SMIM3: variants seen among roughly 807,000 people sequenced by gnomAD.
The protein encoded by SMIM3 is small integral membrane protein 3.
Under a neutral mutation model 2.1 loss-of-function variants are expected in SMIM3, and 4 were observed. The observed-to-expected ratio is 1.89, with a 90% CI of 0.93 to 4.31. SMIM3 has a LOEUF of 4.31. Among genes scored for constraint, SMIM3 ranks in the 30% most tolerant of loss-of-function variants. SMIM3 has a pLI of 0.01. For missense variants in SMIM3, 79 were observed against 77.7 expected (o/e 1.02, Z -0.06); for synonymous variants, 29 against 30.8 (o/e 0.94, Z 0.19).
At chr5:150,782,587 C>T (rs879702903) in intron 1 of SMIM3, among the ~76,000 whole-genome samples, 4 of 152,154 alleles carry the variant, frequency 2.6e-5, no homozygotes, top group Non-Finnish European at 5.9e-5. Flanking sequence ...TTCTCTTCTG[C>T]CTGGTATGTA....
At chr5:150,792,866 A>G (rs1476155221) in intron 1 of SMIM3, among the ~76,000 whole-genome samples, 1 of 152,246 alleles carries the variant, frequency 6.6e-6, no homozygotes, top group African/African-American at 2.4e-5. Context: ...TGGTGGTTGC[A>G]TGGTATGGCA....
rs1289277983 is a variant in SMIM3, at chr5:150,778,785, C to T, written c.-199C>T. 3 of 461,606 alleles carry T rather than the reference C, an allele frequency of 6.5e-6. No homozygotes were observed. Among genetic ancestry groups the T allele is most frequent in the Admixed American group, 2.4e-5 (1 of 41,392 alleles). 28.6% of individuals were successfully genotyped at this position (461,606 alleles called of 1,614,324 possible). A position where few individuals can be genotyped will look rare whatever the true frequency, so the allele number is the denominator to read the frequency against. ...TTCCAGAGCCAGCAGCGCGTCCTGG[C>T]CGCTCCTGCGCTCTCCCGCCTCCCG... On this transcript the variant is annotated 5_prime_UTR_variant, in exon 1 of 2. Coordinates refer to ENST00000526627, the MANE Select transcript of SMIM3 (RefSeq NM_032947.5).
intron 1 of SMIM3, among the ~76,000 whole-genome samples, chr5:150,794,104 T>C (rs1753377248): frequency 1.3e-5 from 2 of 152,018 alleles, no homozygotes; most frequent in South Asian, 4.2e-4. Flanking sequence ...GAAATGCAAA[T>C]CAAAACCACA....
chr5:150,786,912 C>T (rs1753299496), intron 1 of SMIM3, among the ~76,000 whole-genome samples: 1 of 152,190 alleles, frequency 6.6e-6, no homozygotes, highest in African/African-American at 2.4e-5. Context: ...TGTATATTTG[C>T]TTCTACCAAG....
At chr5:150,788,343 T>G (rs1201317322) in intron 1 of SMIM3, among the ~76,000 whole-genome samples, 1 of 151,714 alleles carries the variant, frequency 6.6e-6, no homozygotes, top group Non-Finnish European at 1.5e-5. Context: ...AGGGGATGAA[T>G]TTTTACCTTT....
chr5:150,780,440 C>A (rs1753220066), intron 1 of SMIM3, among the ~76,000 whole-genome samples: 1 of 152,166 alleles, frequency 6.6e-6, no homozygotes, highest in Non-Finnish European at 1.5e-5. Context: ...CCTCCTGTTC[C>A]CAGCTGTCCT....
chr5:150,786,642 C>G (rs1248157146), intron 1 of SMIM3, among the ~76,000 whole-genome samples: 1 of 152,120 alleles, frequency 6.6e-6, no homozygotes, highest in Non-Finnish European at 1.5e-5. Flanking sequence ...TTCAAATTCT[C>G]TGTCAAAATT....
intron 1 of SMIM3, among the ~76,000 whole-genome samples, chr5:150,792,287 C>T (rs1271081138): frequency 6.6e-6 from 1 of 152,210 alleles, no homozygotes; most frequent in Non-Finnish European, 1.5e-5. Flanking sequence ...ATAGTTCCAG[C>T]CTTGTGCCCT....
chr5:150,789,440 C>T (rs895564058), intron 1 of SMIM3, among the ~76,000 whole-genome samples: 1 of 152,130 alleles, frequency 6.6e-6, no homozygotes, highest in African/African-American at 2.4e-5. Flanking sequence ...GCAAAGGACA[C>T]GTTTGAGTTT....
chr5:150,780,194 C>T (rs988038755), intron 1 of SMIM3, among the ~76,000 whole-genome samples: 3 of 152,080 alleles, frequency 2.0e-5, no homozygotes, highest in African/African-American at 7.2e-5. Flanking sequence ...CTCTGAATTA[C>T]CCTAATGGAG....
chr5:150,782,145 T>A (rs140427365), intron 1 of SMIM3, among the ~76,000 whole-genome samples: 1 of 152,152 alleles, frequency 6.6e-6, no homozygotes, highest in Non-Finnish European at 1.5e-5. Context: ...CTTTGGGTCA[T>A]TGGAGAAAAG....
Position 150,796,580 on chromosome 5 carries a change from T to G in SMIM3, c.*957T>G, listed in dbSNP as rs1239470403. 6.6e-6 allele frequency: 1 copy of G among 152,368 alleles called. No individual in the cohort carries two copies. Among genetic ancestry groups the G allele is most frequent in the Non-Finnish European group, 1.5e-5 (1 of 68,044 alleles). The allele number at this position is 152,368 out of a possible 1,614,324, so 9.4% of individuals were successfully genotyped here. A position where few individuals can be genotyped will look rare whatever the true frequency, so the allele number is the denominator to read the frequency against. ...AGAGATATTTCTGGACCACTCAAGC[T>G]CTTCGATACCAAAATCAGGAGCATC... On this transcript the variant is annotated 3_prime_UTR_variant, in exon 2 of 2. Transcript: ENST00000526627.
At position 150,778,991 on chromosome 5, in the gene SMIM3, G is replaced by T. The variant is rs748014895; in HGVS notation, c.-12+19G>T. ...ATCTGGGGTGAGTGGGGCCACCGGG[G>T]GATTGTTTGTGGGGCTCTGGCAGAG... is the stretch of plus-strand genomic sequence containing the variant. On this transcript the variant is annotated intron_variant, in intron 1 of 1. Transcript: ENST00000526627. The T allele has an allele frequency of 8.6e-5, 42 of 488,756 alleles. No individual in the cohort carries two copies. Among genetic ancestry groups the T allele is most frequent in the Non-Finnish European group, 1.6e-4 (37 of 237,942 alleles). The allele number at this position is 488,756 out of a possible 1,614,324, so 30.3% of individuals were successfully genotyped here.
intron 1 of SMIM3, among the ~76,000 whole-genome samples, chr5:150,786,427 A>G (rs371785455): frequency 2.6e-5 from 4 of 152,224 alleles, no homozygotes; most frequent in East Asian, 1.9e-4. Context: ...AGCTGGGACT[A>G]CAGGTGCACA....
chr5:150,788,461 C>T (rs969779691), intron 1 of SMIM3, among the ~76,000 whole-genome samples: 13 of 151,490 alleles, frequency 8.6e-5, no homozygotes, highest in Non-Finnish European at 1.2e-4. Context: ...ATGGCAAAAC[C>T]TTATCTCTAC....
chr5:150,779,110 C>G, intron 1 of SMIM3, 138 bp downstream of exon 1: 1 of 406,846 alleles, frequency 2.5e-6, no homozygotes, highest in Non-Finnish European at 5.0e-6. Flanking sequence ...CTCCCCATTT[C>G]TCCCTTTTCA....
chr5:150,793,076 T>C (rs1392937213), intron 1 of SMIM3, among the ~76,000 whole-genome samples: 1 of 151,970 alleles, frequency 6.6e-6, no homozygotes, highest in East Asian at 1.9e-4. Flanking sequence ...AGGCCATAAA[T>C]ACATATTAAG....
chr5:150,785,083 CTTTTTTTT>C (rs35401611), intron 1 of SMIM3, among the ~76,000 whole-genome samples: 3 of 92,194 alleles, frequency 3.3e-5, no homozygotes, highest in African/African-American at 1.5e-4. Context: ...CTGAAAATGT[CTTTTTTTT>C]TTTTTTTTTT....
Position 150,795,718 on chromosome 5 carries a change from C to A in SMIM3, c.*95C>A. On this transcript the variant is annotated 3_prime_UTR_variant, in exon 2 of 2. Transcript: ENST00000526627. ...AAAAGCAGCAGGAGGGACTTTGGGG[C>A]ATGGACCTGAGTTCTGGTTTTGATT... 1.5e-6 allele frequency: 2 copies of A among 1,365,710 alleles called. No individual in the cohort carries two copies. Among genetic ancestry groups the A allele is most frequent in the Non-Finnish European group, 2.0e-6 (2 of 1,010,444 alleles). 84.6% of individuals were successfully genotyped at this position (1,365,710 alleles called of 1,614,324 possible). A position where few individuals can be genotyped will look rare whatever the true frequency, so the allele number is the denominator to read the frequency against.
Sources: allele counts gnomAD v4.1 joint callset (sites outside exome capture counted in the v4.1 genomes callset), GRCh38; gene constraint gnomAD v4.1.1; transcripts MANE v1.5; gene names NCBI Gene and HGNC (gene_info 2026-07-23, HGNC 2026-07-21).